Variants in ZNF679 observed in about 807,000 individuals in gnomAD.
ZNF679 encodes the protein hypothetical protein MGC42415.
A neutral mutation model predicts 13.4 loss-of-function variants in ZNF679; 10 were observed. That is an observed-to-expected ratio of 0.75 (90% CI 0.46 to 1.27). The LOEUF is 1.27. ZNF679 is among the 50% of genes most tolerant of loss of function. ZNF679 has a pLI of 0.00. For missense variants in ZNF679, 525 were observed against 477.8 expected, an observed-to-expected ratio of 1.10 and a Z score of -0.92; for synonymous variants, 179 against 162.5, an observed-to-expected ratio of 1.10 and a Z score of -0.77.
intron 1 of ZNF679, among the ~76,000 whole-genome samples, chr7:64,245,927 A>G (rs1407792027): frequency 6.6e-6 from 1 of 152,118 alleles, no homozygotes; most frequent in Non-Finnish European, 1.5e-5. Context: ...AATCGCTTGA[A>G]CCTGGGAGGC....
chr7:64,233,620 C>T (rs1787671152), intron 1 of ZNF679, among the ~76,000 whole-genome samples: 1 of 152,204 alleles, frequency 6.6e-6, no homozygotes, highest in South Asian at 2.1e-4. Flanking sequence ...CCCCCAACCT[C>T]GGTGTTCCTG....
Position 64,260,925 on chromosome 7 carries a change from C to T in ZNF679, c.258C>T (p.His86=). 2 of 1,609,184 alleles carry T rather than the reference C, an allele frequency of 1.2e-6. No homozygotes were observed. The highest frequency in any genetic ancestry group is 1.3e-5 in the African/African-American group (1 of 74,498). ...AGAGAAATGAGATGGTAACCAAACA[C>T]CCAGGTAAGTGAGAGTGGATGAAGC... The part of the protein sequence containing the change: ...NIKRNEMVTK[H]PVMCSHFTQD... Residue 86 remains histidine (H), a synonymous_variant, in exon 4 of 5, where the codon CAC becomes CAT. Transcript: ENST00000421025.
chr7:64,234,259 G>T (rs776468496), intron 1 of ZNF679, among the ~76,000 whole-genome samples: 1 of 152,212 alleles, frequency 6.6e-6, no homozygotes, highest in Non-Finnish European at 1.5e-5. Flanking sequence ...ACTGGAGTGG[G>T]TGTGAGACTT....
chr7:64,263,869 C>A (rs1788109275), intron 4 of ZNF679, among the ~76,000 whole-genome samples: 1 of 152,128 alleles, frequency 6.6e-6, no homozygotes, highest in South Asian at 2.1e-4. Flanking sequence ...TATAGCAATG[C>A]AAAATGAATT....
At chr7:64,239,757 C>T (rs1308346086) in intron 1 of ZNF679, among the ~76,000 whole-genome samples, 1 of 152,090 alleles carries the variant, frequency 6.6e-6, no homozygotes, top group Non-Finnish European at 1.5e-5. Flanking sequence ...ACATTACTGG[C>T]CTAAGTAAAA....
At position 64,265,898 on chromosome 7, in the gene ZNF679, A is replaced by T; in HGVS notation, c.265A>T (p.Met89Leu). The change falls in exon 5 of 5, where the codon ATG becomes TTG. Residue 89 changes from methionine to leucine, a missense_variant and splice_region_variant. By Grantham distance (15) the Met-to-Leu change is conservative (BLOSUM62 2). Coordinates refer to ENST00000421025, the MANE Select transcript of ZNF679 (RefSeq NM_153363.3). ...CTTGTGATTTTTATGTCTTTCAGTTATGTGTTCTCATTTCACCCAAGACCT... is the reference window on the plus strand; with the variant it reads ...CTTGTGATTTTTATGTCTTTCAGTTTTGTGTTCTCATTTCACCCAAGACCT... Reference protein sequence around the residue: ...RNEMVTKHPVMCSHFTQDLPP... With the variant: ...RNEMVTKHPVLCSHFTQDLPP... The T allele has an allele frequency of 6.2e-7, 1 of 1,612,352 alleles. No homozygotes were observed. Among genetic ancestry groups the T allele is most frequent in the Non-Finnish European group, 8.5e-7 (1 of 1,179,340 alleles).
intron 1 of ZNF679, among the ~76,000 whole-genome samples, chr7:64,243,082 C>T (rs1320859161): frequency 1.3e-5 from 2 of 152,052 alleles, no homozygotes; most frequent in Non-Finnish European, 2.9e-5. Context: ...TGTGCTGGAC[C>T]CTGATATGAC....
At chr7:64,233,511 C>CA (rs1156628681) in intron 1 of ZNF679, among the ~76,000 whole-genome samples, 1 of 151,780 alleles carries the variant, frequency 6.6e-6, no homozygotes, top group Admixed American at 6.6e-5. Context: ...AAACAAAAAA[C>CA]AAAAAACCTT....
Position 64,266,400 on chromosome 7 carries a change from C to G in ZNF679, c.767C>G (p.Thr256Ser). 6.2e-7 allele frequency: 1 copy of G among 1,612,004 alleles called. No individual in the cohort carries two copies. The highest frequency in any genetic ancestry group is 8.5e-7 in the Non-Finnish European group (1 of 1,179,168). ...GKAFTWSSTL[T>S]KHRRIHTGEK... ...GCTTTTACCTGGTCCTCAACCCTTA[C>G]TAAACATAGGAGAATTCATACTGGA... Residue 256 changes from threonine (T) to serine (S), a missense_variant, in exon 5 of 5, where the codon ACT becomes AGT. Thr to Ser is a moderately conservative substitution (Grantham distance 58). Coordinates refer to ENST00000421025, the MANE Select transcript of ZNF679 (RefSeq NM_153363.3).
At chr7:64,237,001 A>AAGAAAGAAAAAG (rs149813028) in intron 1 of ZNF679, among the ~76,000 whole-genome samples, 35 of 77,846 alleles carry the variant, frequency 4.5e-4, no homozygotes, top group Admixed American at 1.2e-3. Flanking sequence ...GAAAGAAAGA[A>AAGAAAGAAAAAG]AAAGAAAGAA....
At chr7:64,248,074 A>G (rs1483312209) in intron 1 of ZNF679, among the ~76,000 whole-genome samples, 1 of 152,082 alleles carries the variant, frequency 6.6e-6, no homozygotes, top group African/African-American at 2.4e-5. Flanking sequence ...AGGAATCCTC[A>G]GGAAACCTAC....
intron 1 of ZNF679, among the ~76,000 whole-genome samples, chr7:64,237,276 T>C (rs1787739773): frequency 6.6e-6 from 1 of 152,140 alleles, no homozygotes; most frequent in African/African-American, 2.4e-5. Context: ...ACAGAAGTAA[T>C]TTCAGCACAA....
intron 4 of ZNF679, among the ~76,000 whole-genome samples, chr7:64,263,247 A>G (rs1788101829): frequency 6.6e-6 from 1 of 151,896 alleles, no homozygotes; most frequent in East Asian, 1.9e-4. Context: ...ATACCCCACC[A>G]TGCCCAGCTA....
chr7:64,229,809 C>T (rs1257515474), intron 1 of ZNF679, among the ~76,000 whole-genome samples: 1 of 152,190 alleles, frequency 6.6e-6, no homozygotes, highest in African/African-American at 2.4e-5. Context: ...AATTTCACTT[C>T]AGAGTGTGGA....
chr7:64,234,846 CT>C (rs1011865210), intron 1 of ZNF679, among the ~76,000 whole-genome samples: 7 of 151,944 alleles, frequency 4.6e-5, no homozygotes, highest in African/African-American at 1.4e-4. Context: ...ATATAATATA[CT>C]TTTTTTTCAA....
chr7:64,236,922 G>GAAGAAAGAAAGA (rs1290345784), intron 1 of ZNF679, among the ~76,000 whole-genome samples: 4,795 of 85,212 alleles, frequency 0.056, 209 homozygotes, highest in Non-Finnish European at 0.072. Flanking sequence ...AAGAAAGAAA[G>GAAGAAAGAAAGA]AAGAAAGAAA....
chr7:64,242,330 C>T (rs182710545), intron 1 of ZNF679, among the ~76,000 whole-genome samples: 2 of 152,320 alleles, frequency 1.3e-5, no homozygotes, highest in Admixed American at 6.5e-5. Flanking sequence ...CACTGTACCA[C>T]TTGCAGGTTT....
At chr7:64,263,525 G>A (rs935566477) in intron 4 of ZNF679, among the ~76,000 whole-genome samples, 1 of 152,184 alleles carries the variant, frequency 6.6e-6, no homozygotes, top group Non-Finnish European at 1.5e-5. Context: ...GTAATCTCCA[G>A]TGTTGGATGT....
At chr7:64,236,591 C>T (rs1787715683) in intron 1 of ZNF679, among the ~76,000 whole-genome samples, 1 of 152,010 alleles carries the variant, frequency 6.6e-6, no homozygotes, top group East Asian at 1.9e-4. Context: ...TTGAGACCAG[C>T]CTGGCCAAAA....
Sources: allele counts gnomAD v4.1 joint callset (sites outside exome capture counted in the v4.1 genomes callset), GRCh38; gene constraint gnomAD v4.1.1; transcripts MANE v1.5; gene names NCBI Gene and HGNC (gene_info 2026-07-23, HGNC 2026-07-21).